AREL1: variants seen among roughly 807,000 people sequenced by gnomAD.
AREL1 encodes apoptosis resistant E3 ubiquitin protein ligase 1.
A neutral mutation model predicts 99.0 loss-of-function variants in AREL1; 62 were observed. That is an observed-to-expected ratio of 0.63 (90% confidence interval 0.51 to 0.77). The LOEUF (loss-of-function observed/expected upper bound fraction) is 0.77, where lower values mean the gene tolerates loss of function less well. Among genes scored for constraint, AREL1 ranks in the 30% least tolerant of loss-of-function variants. The probability of loss-of-function intolerance (pLI) is 0.00; values close to 1 mark genes in which losing one functional copy is unlikely to be tolerated. For missense variants in AREL1, 879 were observed against 1,027.6 expected, an observed-to-expected ratio of 0.86 and a Z score of 1.98; for synonymous variants, 380 against 376.5, an observed-to-expected ratio of 1.01 and a Z score of -0.11.
chr14:74,684,443 C>T lies in AREL1; in HGVS notation c.243+11G>A. 1.2e-6 allele frequency: 2 copies of T among 1,613,550 alleles called. No homozygotes were observed. Among genetic ancestry groups the T allele is most frequent in the Non-Finnish European group, 1.7e-6 (2 of 1,179,500 alleles). ...ACCCCAATGGGTATGGAGACAGAAA[C>T]ATTCCCTTACATGCACTCGGAAGGC... On this transcript the variant is annotated intron_variant, in intron 4 of 19. Transcript: ENST00000356357.
chr14:74,672,956 G>C lies in AREL1; in HGVS notation c.1301-4C>G, dbSNP rs2089385064. On this transcript the variant is annotated splice_region_variant and splice_polypyrimidine_tract_variant and intron_variant, in intron 10 of 19. Transcript: ENST00000356357. ...TCCTGAAAGGTCTCAGAGCCTCCTG[G>C]GGAACAGCAAGATCCATCATTACAG... 1 of 1,613,970 alleles carries C rather than the reference G, an allele frequency of 6.2e-7. No homozygotes were observed. Among genetic ancestry groups the C allele is most frequent in the African/African-American group, 1.3e-5 (1 of 74,890 alleles).
chr14:74,665,972 T>C (rs2089201097), intron 17 of AREL1, among the ~76,000 whole-genome samples: 1 of 152,200 alleles, frequency 6.6e-6, no homozygotes, highest in Non-Finnish European at 1.5e-5. Context: ...ATGCTTTGCT[T>C]CAAAATGTAA....
intron 1 of AREL1, among the ~76,000 whole-genome samples, chr14:74,700,395 T>C (rs2090061946): frequency 6.6e-6 from 1 of 152,190 alleles, no homozygotes; most frequent in African/African-American, 2.4e-5. Flanking sequence ...TACTCTTAAC[T>C]GGCAATACTG....
At chr14:74,712,721 A>G (rs1421602366) in intron 1 of AREL1, 1 of 298,554 alleles carries the variant, frequency 3.3e-6, no homozygotes, top group Non-Finnish European at 6.7e-6. Context: ...AAAGCACCAT[A>G]TCGGCTAGGA....
chr14:74,678,496 C>CA (rs112834498), intron 5 of AREL1, among the ~76,000 whole-genome samples: 8,545 of 77,982 alleles, frequency 0.11, 635 homozygotes, highest in African/African-American at 0.28. Context: ...GACCCTGCCT[C>CA]AAAAAAAAAA....
At chr14:74,704,638 T>A (rs1393527077) in intron 1 of AREL1, among the ~76,000 whole-genome samples, 1 of 152,164 alleles carries the variant, frequency 6.6e-6, no homozygotes, top group African/African-American at 2.4e-5. Context: ...CAAGACTTAT[T>A]TTCCTTTCAC....
intron 9 of AREL1, among the ~76,000 whole-genome samples, chr14:74,673,726 G>T (rs899098215): frequency 6.6e-6 from 1 of 152,180 alleles, no homozygotes; most frequent in Admixed American, 6.5e-5. Flanking sequence ...CAGCACACTG[G>T]GAGACCAAGC....
rs112999456 is a variant in AREL1, at chr14:74,697,155, TACAC to T, written c.-333-4831_-333-4828del. Among the ~76,000 whole-genome samples the T allele has an allele frequency of 8.8e-5, 13 of 147,436 alleles. No individual in the cohort carries two copies. In the South Asian group the frequency reaches 2.8e-3, roughly 32 times the overall value. ...ACAGAGAGAGAGATCCTGTCACACATACACACACACACACACACACAGCCATGAA... is the reference window on the plus strand; with the variant it reads ...ACAGAGAGAGAGATCCTGTCACACATACACACACACACACACAGCCATGAA... On this transcript the variant is annotated intron_variant, in intron 1 of 19. Transcript: ENST00000356357.
chr14:74,670,217 G>A (rs2089303836), intron 13 of AREL1, 91 bp from the exon 14 acceptor site: 1 of 1,324,196 alleles, frequency 7.6e-7, no homozygotes, highest in Non-Finnish European at 1.0e-6. Context: ...CATGCCAAAG[G>A]AACAAGATGT....
In AREL1 at chr14:74,667,119, T is replaced by TG. The variant is rs2089226058; in HGVS notation, c.2103+199dup. Among the ~76,000 whole-genome samples the TG allele has an allele frequency of 2.0e-5, 3 of 152,220 alleles. No individual in the cohort carries two copies. The South Asian group carries it at 6.2e-4, about 31-fold the overall frequency. The stretch of plus-strand genomic sequence containing the variant: ...TATTTATCCCTTAAGCTAATATCTC[T>TG]GCACTCTTTGCTACTAATTTTCACA... On this transcript the variant is annotated intron_variant, in intron 17 of 19. Coordinates refer to ENST00000356357, the MANE Select transcript of AREL1 (RefSeq NM_001039479.2).
chr14:74,710,310 G>A (rs1290377366), intron 1 of AREL1, among the ~76,000 whole-genome samples: 1 of 152,110 alleles, frequency 6.6e-6, no homozygotes, highest in Non-Finnish European at 1.5e-5. Flanking sequence ...TAACAATCAA[G>A]GAAATCAGAA....
intron 11 of AREL1, 35 bp downstream of exon 11, chr14:74,672,796 T>C (rs139643401): frequency 1.4e-5 from 22 of 1,612,496 alleles, no homozygotes; most frequent in Admixed American, 5.0e-5. Context: ...TTGGAAAACT[T>C]TGGTATCTGC....
chr14:74,668,679 A>G (rs1019933433), intron 15 of AREL1, among the ~76,000 whole-genome samples: 1 of 152,122 alleles, frequency 6.6e-6, no homozygotes, highest in Admixed American at 6.5e-5. Flanking sequence ...GGAATCCCAT[A>G]ATTTCCAGAA....
At chr14:74,708,754 A>C (rs1425308780) in intron 1 of AREL1, among the ~76,000 whole-genome samples, 2 of 152,234 alleles carry the variant, frequency 1.3e-5, no homozygotes, top group Non-Finnish European at 2.9e-5. Flanking sequence ...CAACTATTCA[A>C]GATAACAAAA....
At chr14:74,665,276 T>C (rs1244754164) in intron 17 of AREL1, among the ~76,000 whole-genome samples, 2 of 150,962 alleles carry the variant, frequency 1.3e-5, no homozygotes, top group Admixed American at 6.6e-5. Context: ...TTTTCTTTTT[T>C]TTTTTTTTTT....
chr14:74,707,792 C>CA (rs35181427), intron 1 of AREL1, among the ~76,000 whole-genome samples: 69,426 of 104,068 alleles, frequency 0.67, 23,592 homozygotes, highest in Non-Finnish European at 0.73. Context: ...AGATTCGTCT[C>CA]AAAAAAAAAA....
intron 5 of AREL1, 150 bp downstream of exon 5, chr14:74,683,146 A>G (rs2089669548): frequency 1.1e-5 from 7 of 641,362 alleles, no homozygotes; most frequent in Non-Finnish European, 1.6e-5. Context: ...CTGCATTTAA[A>G]GAACCATTAA....
chr14:74,671,729 T>G (rs1470537672), intron 11 of AREL1, among the ~76,000 whole-genome samples: 3 of 152,246 alleles, frequency 2.0e-5, no homozygotes, highest in Non-Finnish European at 4.4e-5. Flanking sequence ...AAGCTGAAGT[T>G]GTTTTTTTCT....
intron 1 of AREL1, among the ~76,000 whole-genome samples, chr14:74,699,610 T>C (rs988252854): frequency 2.0e-5 from 3 of 152,260 alleles, no homozygotes; most frequent in East Asian, 1.9e-4. Context: ...ATGTATATTA[T>C]GTTCTGGTCT....
Sources: allele counts gnomAD v4.1 joint callset (sites outside exome capture counted in the v4.1 genomes callset), GRCh38; gene constraint gnomAD v4.1.1; transcripts MANE v1.5; gene names NCBI Gene and HGNC (gene_info 2026-07-23, HGNC 2026-07-21).